NFIC: variants seen among roughly 807,000 people sequenced by gnomAD.
NFIC encodes nuclear factor 1 C-type.
In NFIC, 12 loss-of-function variants were observed where a neutral mutation model predicts 54.4. That is an observed-to-expected ratio of 0.22 (90% confidence interval 0.14 to 0.36). NFIC has a LOEUF of 0.36. NFIC is among the 10% of genes least tolerant of loss of function. The pLI is 1.00. For missense variants in NFIC, 575 were observed against 718.2 expected (o/e 0.80, Z 2.28); for synonymous variants, 322 against 319.2 (o/e 1.01, Z -0.09).
chr19:3,448,611 C>A (rs1031803741), intron 6 of NFIC, among the ~76,000 whole-genome samples: 4 of 152,176 alleles, frequency 2.6e-5, no homozygotes, highest in Non-Finnish European at 5.9e-5. Flanking sequence ...TGTCTGTGCG[C>A]CCTTAGCCAG....
intron 10 of NFIC, among the ~76,000 whole-genome samples, chr19:3,461,277 G>C (rs2082634867): frequency 6.7e-6 from 1 of 149,998 alleles, no homozygotes; most frequent in Non-Finnish European, 1.5e-5. Flanking sequence ...AAAAAAACTA[G>C]TCAGATGTGG....
rs371877071 is a variant in NFIC, at chr19:3,463,193, C to G, written c.*424C>G. ...GCGCCCCGGAGGCCCTGGCTCTGTC[C>G]GGAGACCAGGTGAGCACAGCCTGGA... On this transcript the variant is annotated 3_prime_UTR_variant, in exon 11 of 11. Coordinates refer to ENST00000443272, the MANE Select transcript of NFIC (RefSeq NM_001245002.2). 9.6e-7 allele frequency: 1 copy of G among 1,040,320 alleles called. No individual in the cohort carries two copies. Among genetic ancestry groups the G allele is most frequent in the Non-Finnish European group, 1.2e-6 (1 of 865,830 alleles). The allele number at this position is 1,040,320 out of a possible 1,614,324, so 64.4% of individuals were successfully genotyped here.
At chr19:3,421,083 TTG>T (rs2081947271) in intron 2 of NFIC, among the ~76,000 whole-genome samples, 3 of 152,234 alleles carry the variant, frequency 2.0e-5, no homozygotes, top group African/African-American at 7.2e-5. Context: ...GGTGCTATAG[TTG>T]TGTCCATTTC....
chr19:3,396,313 T>C (rs2081462374), intron 2 of NFIC, among the ~76,000 whole-genome samples: 1 of 151,918 alleles, frequency 6.6e-6, no homozygotes, highest in South Asian at 2.1e-4. Flanking sequence ...CTACTAAAAA[T>C]ATGAAAATAT....
Position 3,433,567 on chromosome 19 carries a change from C to A in NFIC, c.684C>A (p.Val228=), listed in dbSNP as rs138225094. 2 of 1,614,044 alleles carry A rather than the reference C, an allele frequency of 1.2e-6. No homozygotes were observed. Among genetic ancestry groups the A allele is most frequent in the East Asian group, 4.5e-5 (2 of 44,880 alleles). Residue 228 remains valine, a synonymous_variant, in exon 4 of 11, where the codon GTC becomes GTA. Transcript: ENST00000443272. ...TTGTCACCTCCGGCGTGTTCAGCGT[C>A]ACTGAGCTCATCCAAGTGTCCCGGA... is the stretch of plus-strand genomic sequence containing the variant. ...ESFVTSGVFS[V]TELIQVSRTP...
At chr19:3,405,425 C>T (rs534478440) in intron 2 of NFIC, among the ~76,000 whole-genome samples, 4 of 152,240 alleles carry the variant, frequency 2.6e-5, no homozygotes, top group African/African-American at 9.6e-5. Context: ...GTCATCTGCA[C>T]TGTCAGGATG....
intron 2 of NFIC, among the ~76,000 whole-genome samples, chr19:3,401,947 C>G (rs922051270): frequency 5.3e-5 from 8 of 152,070 alleles, no homozygotes; most frequent in African/African-American, 1.7e-4. Context: ...GTCTCAAACT[C>G]CTGAACTCAA....
chr19:3,461,537 A>G (rs1171460863), intron 10 of NFIC, among the ~76,000 whole-genome samples: 1 of 151,802 alleles, frequency 6.6e-6, no homozygotes, highest in African/African-American at 2.4e-5. Context: ...AGCCCGGCCA[A>G]CATGGCGAAA....
intron 2 of NFIC, among the ~76,000 whole-genome samples, chr19:3,385,234 G>C (rs1451733664): frequency 6.8e-6 from 1 of 147,530 alleles, no homozygotes; most frequent in African/African-American, 2.5e-5. Flanking sequence ...GCCCACTGCG[G>C]GTGCTCCAGC....
In NFIC at chr19:3,366,606, G is replaced by C. The variant is rs748180077; in HGVS notation, c.-31G>C. 3.9e-5 allele frequency: 57 copies of C among 1,467,692 alleles called. 1 individual carries two copies. In the East Asian group the frequency reaches 4.7e-4, roughly 12 times the overall value. The allele number at this position is 1,467,692 out of a possible 1,614,324, so 90.9% of individuals were successfully genotyped here. On this transcript the variant is annotated 5_prime_UTR_variant, in exon 1 of 11. Coordinates refer to ENST00000443272, the MANE Select transcript of NFIC (RefSeq NM_001245002.2). ...TCAGTAAGTTCAGCGCGCCCGCTCC[G>C]GCCGGCCCTGCGCCTCCCGCCGCGC...
chr19:3,438,074 T>C (rs2082233107), intron 6 of NFIC, among the ~76,000 whole-genome samples: 1 of 152,198 alleles, frequency 6.6e-6, no homozygotes, highest in African/African-American at 2.4e-5. Context: ...AGACCACCTT[T>C]GCGATGAGCC....
At chr19:3,454,186 G>T in intron 9 of NFIC, 2 of 1,247,714 alleles carry the variant, frequency 1.6e-6, no homozygotes, top group Middle Eastern at 3.1e-4. Flanking sequence ...CCCGGTGCCC[G>T]CCGTGGGCCG....
chr19:3,425,031 C>T, intron 2 of NFIC, 75 bp from the exon 3 acceptor site: 1 of 1,520,008 alleles, frequency 6.6e-7, no homozygotes. Context: ...ACTGGGGCCA[C>T]CAGCATCGAC....
At chr19:3,456,277 C>T (rs1228796010) in intron 9 of NFIC, among the ~76,000 whole-genome samples, 1 of 152,222 alleles carries the variant, frequency 6.6e-6, no homozygotes, top group East Asian at 1.9e-4. Flanking sequence ...AGCCATCCTG[C>T]CTTCCCTCTC....
chr19:3,422,991 G>T (rs2081975832), intron 2 of NFIC, among the ~76,000 whole-genome samples: 2 of 148,626 alleles, frequency 1.3e-5, no homozygotes, highest in African/African-American at 5.0e-5. Context: ...GAGGTCAGGA[G>T]TTCGAGACCA....
At chr19:3,424,310 G>C (rs1194522089) in intron 2 of NFIC, among the ~76,000 whole-genome samples, 1 of 151,896 alleles carries the variant, frequency 6.6e-6, no homozygotes, top group Non-Finnish European at 1.5e-5. Flanking sequence ...TTACAGGTGT[G>C]AGCCACCGTG....
intron 6 of NFIC, among the ~76,000 whole-genome samples, chr19:3,441,933 C>A (rs555070846): frequency 6.6e-6 from 1 of 152,352 alleles, no homozygotes; most frequent in African/African-American, 2.4e-5. Context: ...AGACAGCCCC[C>A]AATTAGCCAC....
chr19:3,444,585 G>A (rs10418632), intron 6 of NFIC, among the ~76,000 whole-genome samples: 5,002 of 152,280 alleles, frequency 0.033, 245 homozygotes, highest in African/African-American at 0.11. Context: ...CCTGAGCTGC[G>A]CTCCCCCCTC....
chr19:3,368,170 G>A (rs2080931223), intron 1 of NFIC, among the ~76,000 whole-genome samples: 2 of 152,190 alleles, frequency 1.3e-5, no homozygotes, highest in African/African-American at 4.8e-5. Context: ...GAAGTCTCTG[G>A]GCTTGTGGGG....
Sources: gnomAD v4.1 joint callset for allele counts (sites outside exome capture counted in the v4.1 genomes callset) on GRCh38, gnomAD v4.1.1 for gene constraint, MANE v1.5 for transcripts, NCBI Gene and HGNC (gene_info 2026-07-23, HGNC 2026-07-21) for gene names.